The following CNTN4 variants were observed in gnomAD, a reference collection of about 807,000 sequenced individuals.
CNTN4 encodes the protein contactin-4.
A neutral mutation model predicts 122.5 loss-of-function variants in CNTN4; 77 were observed. That is an observed-to-expected ratio of 0.63 (90% CI 0.52 to 0.76). The LOEUF (loss-of-function observed/expected upper bound fraction) is 0.76, where lower values mean the gene tolerates loss of function less well. Ranked by LOEUF, CNTN4 falls within the 30% of genes least tolerant of loss-of-function variation. The pLI is 0.00. For missense variants in CNTN4, 1,256 were observed against 1,259.1 expected (o/e 1.00, Z 0.04); for synonymous variants, 512 against 447.0 (o/e 1.15, Z -1.83).
chr3:2,702,418 T>A (rs898290016), intron 4 of CNTN4, among the ~76,000 whole-genome samples: 6 of 152,234 alleles, frequency 3.9e-5, no homozygotes, highest in Admixed American at 6.5e-5. Context: ...TGTAGCATAT[T>A]TTCATTATAA....
intron 3 of CNTN4, among the ~76,000 whole-genome samples, chr3:2,486,174 T>C (rs6442735): frequency 0.67 from 102,316 of 151,874 alleles, 35,345 homozygotes; most frequent in African/African-American, 0.83. Flanking sequence ...AGGTCTGCAG[T>C]TTCACTCCTG....
At chr3:2,243,352 AG>A (rs1354396359) in intron 2 of CNTN4, among the ~76,000 whole-genome samples, 25 of 152,146 alleles carry the variant, frequency 1.6e-4, no homozygotes, top group African/African-American at 5.8e-4. Context: ...TTCTGTTAGA[AG>A]TGGAACCTTA....
chr3:2,839,033 T>C (rs2093293699), intron 7 of CNTN4, among the ~76,000 whole-genome samples: 1 of 152,164 alleles, frequency 6.6e-6, no homozygotes, highest in Admixed American at 6.5e-5. Context: ...GTCGTACTAA[T>C]GGCCTCCTTC....
At chr3:2,500,853 A>G (rs2148998893) in intron 3 of CNTN4, among the ~76,000 whole-genome samples, 1 of 152,266 alleles carries the variant, frequency 6.6e-6, no homozygotes, top group Admixed American at 6.5e-5. Flanking sequence ...TTACCTGTGC[A>G]AGCATCGTAT....
At chr3:2,651,036 G>A (rs777876010) in intron 4 of CNTN4, among the ~76,000 whole-genome samples, 49 of 152,114 alleles carry the variant, frequency 3.2e-4, no homozygotes, top group Non-Finnish European at 5.9e-4. Flanking sequence ...ACTATGGAAC[G>A]CAAGGATATT....
intron 7 of CNTN4, among the ~76,000 whole-genome samples, chr3:2,822,914 A>G (rs1038134593): frequency 3.3e-5 from 5 of 152,226 alleles, no homozygotes; most frequent in African/African-American, 1.2e-4. Context: ...TTCTTATTAT[A>G]AGCTCTATTA....
chr3:2,270,075 C>G (rs9860609), intron 2 of CNTN4, among the ~76,000 whole-genome samples: 3,495 of 89,916 alleles, frequency 0.039, 846 homozygotes, highest in African/African-American at 0.12. Flanking sequence ...TCAGCCTCCC[C>G]AGTAGCTGGG....
At position 2,258,445 on chromosome 3, in the gene CNTN4, C is replaced by T. The variant is rs1004600361; in HGVS notation, c.-144-80733C>T. On this transcript the variant is annotated intron_variant, in intron 2 of 24. Coordinates refer to ENST00000418658, the MANE Select transcript of CNTN4 (RefSeq NM_175607.3). Reference sequence around the variant, plus strand: ...TTATTTTTTTTTCTGTCTCAATATACATTTAGGAAATTACTTCCTAATAAG... The same window carrying T: ...TTATTTTTTTTTCTGTCTCAATATATATTTAGGAAATTACTTCCTAATAAG... Among the ~76,000 whole-genome samples, 7 of 152,030 alleles carry T rather than the reference C, an allele frequency of 4.6e-5. 1 individual carries two copies. The East Asian group carries it at 1.2e-3, about 25-fold the overall frequency.
chr3:2,328,327 A>AC (rs1455182744), intron 2 of CNTN4, among the ~76,000 whole-genome samples: 4 of 150,018 alleles, frequency 2.7e-5, no homozygotes, highest in Admixed American at 1.3e-4. Context: ...AATGGCGGGA[A>AC]CCCGGGAGGC....
intron 4 of CNTN4, among the ~76,000 whole-genome samples, chr3:2,677,364 G>T (rs1430934995): frequency 1.9e-5 from 1 of 53,104 alleles, no homozygotes; most frequent in Non-Finnish European, 4.1e-5. Context: ...ACAGAGTCTT[G>T]CTCTGTCACC....
intron 13 of CNTN4, among the ~76,000 whole-genome samples, chr3:2,928,799 A>C (rs1056839347): frequency 6.6e-6 from 1 of 152,222 alleles, no homozygotes; most frequent in Non-Finnish European, 1.5e-5. Context: ...AACTGCCTAC[A>C]AATGAGTTTA....
chr3:2,438,163 T>C (rs2048318936), intron 3 of CNTN4, among the ~76,000 whole-genome samples: 1 of 152,226 alleles, frequency 6.6e-6, no homozygotes, highest in Admixed American at 6.5e-5. Flanking sequence ...CCTTTATTTC[T>C]TTCACCAGTT....
intron 2 of CNTN4, among the ~76,000 whole-genome samples, chr3:2,212,655 A>C (rs1370424468): frequency 3.9e-5 from 6 of 152,240 alleles, no homozygotes; most frequent in Admixed American, 3.3e-4. Context: ...GGATAGGGAC[A>C]CAGCCAAACC....
intron 2 of CNTN4, among the ~76,000 whole-genome samples, chr3:2,162,050 T>A (rs931967465): frequency 3.3e-5 from 5 of 152,234 alleles, no homozygotes; most frequent in African/African-American, 4.8e-5. Context: ...TTAAATTTTT[T>A]AATTTAGTTT....
chr3:2,353,876 G>C (rs2044752434), intron 3 of CNTN4, among the ~76,000 whole-genome samples: 1 of 152,076 alleles, frequency 6.6e-6, no homozygotes, highest in African/African-American at 2.4e-5. Context: ...TCCAGCCTGG[G>C]CGACAGAGCG....
intron 2 of CNTN4, among the ~76,000 whole-genome samples, chr3:2,150,612 G>C (rs1328322290): frequency 6.6e-6 from 1 of 152,188 alleles, no homozygotes; most frequent in Non-Finnish European, 1.5e-5. Context: ...TGAAACATCA[G>C]ATAACTTGCT....
intron 2 of CNTN4, among the ~76,000 whole-genome samples, chr3:2,140,726 T>C (rs1255411521): frequency 3.3e-5 from 5 of 152,216 alleles, no homozygotes; most frequent in Non-Finnish European, 2.9e-5. Context: ...GAACTAGGTA[T>C]ATGTAAAAGC....
intron 3 of CNTN4, among the ~76,000 whole-genome samples, chr3:2,384,763 T>TGC (rs1430294974): frequency 1.8e-5 from 2 of 113,358 alleles, no homozygotes; most frequent in Non-Finnish European, 4.0e-5. Flanking sequence ...AATGTGTGCG[T>TGC]GTGTGTGTGT....
At chr3:2,999,905 T>C (rs75753060) in intron 14 of CNTN4, among the ~76,000 whole-genome samples, 13,907 of 152,274 alleles carry the variant, frequency 0.091, 861 homozygotes, top group Non-Finnish European at 0.13. Context: ...AAATTTCTTA[T>C]CAGTTGACAC....
Sources: allele counts gnomAD v4.1 joint callset (sites outside exome capture counted in the v4.1 genomes callset), GRCh38; gene constraint gnomAD v4.1.1; transcripts MANE v1.5; gene names NCBI Gene and HGNC (gene_info 2026-07-23, HGNC 2026-07-21).